Variants in SIRPA observed in about 807,000 individuals in gnomAD.
SIRPA encodes the protein tyrosine-protein phosphatase non-receptor type substrate 1.
A neutral mutation model predicts 50.3 loss-of-function variants in SIRPA; 9 were observed. The observed-to-expected ratio is 0.18, with a 90% confidence interval of 0.11 to 0.31. The LOEUF (loss-of-function observed/expected upper bound fraction) is 0.31, where lower values mean the gene tolerates loss of function less well. SIRPA is among the 10% of genes least tolerant of loss of function. The pLI, the probability that SIRPA is intolerant of heterozygous loss-of-function variation, is 1.00. For missense variants in SIRPA, 474 were observed against 661.6 expected (o/e 0.72, Z 3.11); for synonymous variants, 265 against 284.1 (o/e 0.93, Z 0.68).
intron 7 of SIRPA, among the ~76,000 whole-genome samples, chr20:1,935,492 G>A (rs1231684991): frequency 1.3e-5 from 2 of 152,274 alleles, no homozygotes; most frequent in African/African-American, 4.8e-5. Flanking sequence ...TCGGGCTGGT[G>A]AAAGGCGCAG....
intron 2 of SIRPA, among the ~76,000 whole-genome samples, chr20:1,918,360 CTTTT>C (rs60736526): frequency 2.1e-4 from 20 of 95,684 alleles, no homozygotes; most frequent in African/African-American, 6.6e-4. Context: ...ACCACACCAG[CTTTT>C]TTTTTTTTTT....
rs2235745 is a variant in SIRPA at position 1,936,759 on chromosome 20, G to A, written c.1267-561G>A. Among the ~76,000 whole-genome samples the A allele has an allele frequency of 0.79, 120,107 of 152,122 alleles. 47,620 individuals are homozygous for A. The highest frequency in any genetic ancestry group is 0.83 in the Admixed American group (12,651 of 15,288). On this transcript the variant is annotated intron_variant, in intron 7 of 7. Coordinates refer to ENST00000358771, the MANE Select transcript of SIRPA (RefSeq NM_001040023.2). This position sits in a 1 kb window ranked among gnomAD's most constrained non-coding sequence, Gnocchi z 4.2. Reference sequence around the variant, plus strand: ...CATACATTAATGAATGTCCCCACACGTACCACCATCAGCAGCACCTCCTCA... The same window carrying A: ...CATACATTAATGAATGTCCCCACACATACCACCATCAGCAGCACCTCCTCA...
At chr20:1,904,972 C>T (rs1014062063) in intron 1 of SIRPA, among the ~76,000 whole-genome samples, 2 of 152,152 alleles carry the variant, frequency 1.3e-5, no homozygotes, top group African/African-American at 4.8e-5. Flanking sequence ...CAGGTGTCTT[C>T]CCAGCTCTGA....
At chr20:1,919,528 C>A (rs1013728554) in intron 2 of SIRPA, among the ~76,000 whole-genome samples, 2 of 152,152 alleles carry the variant, frequency 1.3e-5, no homozygotes, top group South Asian at 2.1e-4. Flanking sequence ...AAGGTAGGGG[C>A]CCCAGACAAA....
intron 6 of SIRPA, among the ~76,000 whole-genome samples, chr20:1,931,141 T>C (rs1986278345): frequency 6.6e-6 from 1 of 152,126 alleles, no homozygotes; most frequent in African/African-American, 2.4e-5. Flanking sequence ...TGCTACAGAA[T>C]CCCCAAAGGA....
intron 1 of SIRPA, among the ~76,000 whole-genome samples, chr20:1,912,878 G>A (rs1406918499): frequency 2.0e-5 from 3 of 152,314 alleles, no homozygotes; most frequent in Non-Finnish European, 2.9e-5. Context: ...AGACCTATCC[G>A]GAAAGTTCCT....
rs551076207 is a variant in SIRPA at position 1,931,643 on chromosome 20, G to A, written c.1227-3072G>A. Reference sequence around the variant, plus strand: ...TGCTGGGATCAGACATTTTCCAGAGGACGTTGGTGTGAGTAACAGCTGAGC... The same window carrying A: ...TGCTGGGATCAGACATTTTCCAGAGAACGTTGGTGTGAGTAACAGCTGAGC... On this transcript the variant is annotated intron_variant, in intron 6 of 7. Coordinates refer to ENST00000358771, the MANE Select transcript of SIRPA (RefSeq NM_001040023.2). Among the ~76,000 whole-genome samples the A allele has an allele frequency of 3.3e-5, 5 of 152,288 alleles. No homozygotes were observed. In the South Asian group the frequency reaches 1.0e-3, roughly 32 times the overall value.
intron 4 of SIRPA, among the ~76,000 whole-genome samples, chr20:1,923,029 G>A (rs911170456): frequency 1.3e-5 from 2 of 151,924 alleles, no homozygotes; most frequent in Non-Finnish European, 2.9e-5. Flanking sequence ...GCTGCCATTG[G>A]GAGCCTGCCC....
intron 1 of SIRPA, among the ~76,000 whole-genome samples, chr20:1,908,645 CATGT>C (rs1031637752): frequency 1.3e-5 from 2 of 152,190 alleles, no homozygotes; most frequent in Admixed American, 6.5e-5. Context: ...TACACGCATA[CATGT>C]ATGTACACAC....
chr20:1,931,554 C>G (rs1467982873), intron 6 of SIRPA, among the ~76,000 whole-genome samples: 1 of 152,156 alleles, frequency 6.6e-6, no homozygotes, highest in African/African-American at 2.4e-5. Flanking sequence ...CTCTCTAAAC[C>G]AAAGCAATAG....
At position 1,922,466 on chromosome 20, in the gene SIRPA, C is replaced by T. The variant is rs746410414; in HGVS notation, c.908C>T (p.Thr303Ile). 8 of 1,614,232 alleles carry T rather than the reference C, an allele frequency of 5.0e-6. No homozygotes were observed. Among genetic ancestry groups the T allele is most frequent in the Admixed American group, 1.7e-5 (1 of 60,032 alleles). ...CGGACAGAAACGGCCTCAACCGTTA[C>T]AGAGAACAAGGATGGTACCTACAAC... ...VSRTETASTV[T>I]ENKDGTYNWM... Residue 303 changes from threonine to isoleucine, a missense_variant, in exon 4 of 8, where the codon ACA (threonine) becomes ATA (isoleucine). By Grantham distance (89) the Thr-to-Ile change is moderately conservative. Transcript: ENST00000358771.
chr20:1,912,112 A>G (rs1984924093), intron 1 of SIRPA, among the ~76,000 whole-genome samples: 1 of 152,164 alleles, frequency 6.6e-6, no homozygotes, highest in African/African-American at 2.4e-5. Context: ...AGAGAGCTCG[A>G]GAGGAGCTAA....
rs774730341 is a variant in SIRPA, at chr20:1,938,459, G to A, written c.*891G>A. The A allele has an allele frequency of 2.0e-5, 3 of 152,690 alleles. No homozygotes were observed. The highest frequency in any genetic ancestry group is 4.1e-4 in the South Asian group (2 of 4,838). The allele number at this position is 152,690 out of a possible 1,614,324, so 9.5% of individuals were successfully genotyped here. A position where few individuals can be genotyped will look rare whatever the true frequency, so the allele number is the denominator to read the frequency against. On this transcript the variant is annotated 3_prime_UTR_variant, in exon 8 of 8. Transcript: ENST00000358771. ...TTTTTTTTCTTAAAACAACAGCAAC[G>A]TGATCTTGGCTGTCTGTCATGTGTT...
intron 1 of SIRPA, among the ~76,000 whole-genome samples, chr20:1,902,212 T>A (rs1326529638): frequency 6.6e-6 from 1 of 152,160 alleles, no homozygotes; most frequent in African/African-American, 2.4e-5. Flanking sequence ...AAGCAAGTGC[T>A]AAACATGGGG....
chr20:1,922,804 C>T (rs1985747877), intron 4 of SIRPA, among the ~76,000 whole-genome samples, 159 bp downstream of exon 4: 1 of 152,350 alleles, frequency 6.6e-6, no homozygotes, highest in South Asian at 2.1e-4. Context: ...CCAAATCCCA[C>T]ACTCCAAGAG....
upstream of SIRPA, chr20:1,894,189 G>C (rs1052928374): frequency 6.6e-6 from 1 of 152,240 alleles, no homozygotes; most frequent in Non-Finnish European, 1.5e-5. The surrounding 1 kb of genome is among the most constrained non-coding windows in gnomAD (Gnocchi z 4.0). Flanking sequence ...CCACCCCCAA[G>C]AGGGGCCTTC....
At position 1,898,166 on chromosome 20, in the gene SIRPA, A is replaced by AC. The variant is rs1983941761; in HGVS notation, c.79+2640_79+2641insC. 6.6e-6 allele frequency among the ~76,000 whole-genome samples: 1 copy of AC among 152,222 alleles called. No individual in the cohort carries two copies. Among genetic ancestry groups the AC allele is most frequent in the Non-Finnish European group, 1.5e-5 (1 of 68,032 alleles). ...TGGGGAGCAGCGGGGCCCCCCAGTG[A>AC]ACCTCTCACCGTTTGGTAGAGGGTG... is the stretch of plus-strand genomic sequence containing the variant. On this transcript the variant is annotated intron_variant, in intron 1 of 7. Coordinates refer to ENST00000358771, the MANE Select transcript of SIRPA (RefSeq NM_001040023.2). The surrounding 1 kb of genome is among the most constrained non-coding windows in gnomAD (Gnocchi z 4.3).
At chr20:1,921,307 T>C in intron 2 of SIRPA, 88 bp from the exon 3 acceptor site, 1 of 1,598,804 alleles carries the variant, frequency 6.3e-7, no homozygotes, top group Non-Finnish European at 8.6e-7. Flanking sequence ...AAAAATAATG[T>C]CTCAGAAGGT....
At chr20:1,914,726 C>A (rs1448001321) in intron 1 of SIRPA, among the ~76,000 whole-genome samples, 1 of 152,008 alleles carries the variant, frequency 6.6e-6, no homozygotes, top group African/African-American at 2.4e-5. Context: ...TTGTACAGCC[C>A]CAGATATGCC....
Sources: allele counts gnomAD v4.1 joint callset (sites outside exome capture counted in the v4.1 genomes callset), GRCh38; gene constraint gnomAD v4.1.1; non-coding constraint Gnocchi (gnomAD v3.1); transcripts MANE v1.5; gene names NCBI Gene and HGNC (gene_info 2026-07-23, HGNC 2026-07-21).